The following SRCAP variants were observed in gnomAD, a reference collection of about 807,000 sequenced individuals.
SRCAP encodes chromatin remodeling protein SRCAP.
A neutral mutation model predicts 263.1 loss-of-function variants in SRCAP; 46 were observed. The observed-to-expected ratio is 0.17, with a 90% CI of 0.14 to 0.22. The LOEUF is 0.22. SRCAP is among the 10% of genes least tolerant of loss of function. The pLI is 1.00. For missense variants in SRCAP, 3,695 were observed against 4,181.9 expected, an observed-to-expected ratio of 0.88 and a Z score of 3.21; for synonymous variants, 1,813 against 1,662.1, an observed-to-expected ratio of 1.09 and a Z score of -2.21.
At chr16:30,736,948 A>T in intron 33 of SRCAP, 101 bp from the exon 34 acceptor site, 2 of 1,309,246 alleles carry the variant, frequency 1.5e-6, no homozygotes, top group Non-Finnish European at 2.1e-6. Flanking sequence ...TGCTGGAATT[A>T]CAGGCGTGAG....
intron 1 of SRCAP, among the ~76,000 whole-genome samples, 168 bp from the exon 2 acceptor site, chr16:30,699,740 C>A (rs2052744690): frequency 6.6e-6 from 1 of 152,200 alleles, no homozygotes; most frequent in African/African-American, 2.4e-5. Context: ...TGCCCCCAGG[C>A]AGGATCGTAT....
At chr16:30,702,577 C>G (rs2052779000) in intron 3 of SRCAP, among the ~76,000 whole-genome samples, 1 of 121,768 alleles carries the variant, frequency 8.2e-6, no homozygotes, top group African/African-American at 3.1e-5. Context: ...TTCCCTCCCT[C>G]CCTCCCTCCC....
chr16:30,705,352 G>A (rs1297411324), intron 4 of SRCAP, among the ~76,000 whole-genome samples: 1 of 152,170 alleles, frequency 6.6e-6, no homozygotes, highest in African/African-American at 2.4e-5. Flanking sequence ...TTGAAACTAT[G>A]AGGGTAGGGC....
chr16:30,711,433 A>T (rs562937760), intron 10 of SRCAP, 138 bp from the exon 11 acceptor site: 3 of 856,018 alleles, frequency 3.5e-6, no homozygotes, highest in Non-Finnish European at 5.3e-6. Context: ...GCTGATGCTG[A>T]AAGTAAGCTC....
At chr16:30,711,337 C>T (rs1320560897) in intron 10 of SRCAP, among the ~76,000 whole-genome samples, 2 of 152,178 alleles carry the variant, frequency 1.3e-5, no homozygotes, top group African/African-American at 4.8e-5. Flanking sequence ...AGCATTTGAC[C>T]TGGACCTTGA....
rs753073651 is a variant in SRCAP, at chr16:30,739,680, C to T, written c.9640C>T (p.Pro3214Ser). Reference protein sequence around the residue: ...DQRILRSSAPPSLAGPAVSHR... With the variant: ...DQRILRSSAPSSLAGPAVSHR... ...GCGCATCCTGCGCAGCAGCGCCCCT[C>T]CCTCCCTGGCTGGCCCTGCTGTTAG... The change falls in exon 34 of 34, where the codon CCC (proline) becomes TCC (serine). Residue 3214 changes from proline to serine, a missense_variant. Physicochemically the swap from Pro to Ser is moderately conservative, Grantham distance 74. Around this residue, in one of 12 missense-constraint regions of SRCAP, gnomAD observed 1,207 missense variants for 1,142.9 expected, o/e 1.06. Transcript: ENST00000262518. The T allele has an allele frequency of 1.0e-5, 16 of 1,550,656 alleles. No individual in the cohort carries two copies. Among genetic ancestry groups the T allele is most frequent in the Admixed American group, 6.1e-5 (3 of 49,512 alleles).
chr16:30,701,676 C>T (rs1156961883), intron 3 of SRCAP, among the ~76,000 whole-genome samples: 1 of 150,038 alleles, frequency 6.7e-6, no homozygotes. Context: ...TTCAGCCAGG[C>T]TGGAATGCAA....
At position 30,739,133 on chromosome 16, in the gene SRCAP, T is replaced by G; in HGVS notation, c.9093T>G (p.Ser3031=). ...QLPVLDRDST[S]VLESCGLGRR... is the part of the protein sequence containing the mutation. ...CCGTCTTGGACCGTGACAGCACTTCTGTTCTCGAGAGCTGTGGATTGGGGA... is the reference window on the plus strand; with the variant it reads ...CCGTCTTGGACCGTGACAGCACTTCGGTTCTCGAGAGCTGTGGATTGGGGA... The change falls in exon 34 of 34, where the codon TCT becomes TCG. Residue 3031 remains serine, a synonymous_variant. Transcript: ENST00000262518. 2 of 1,614,166 alleles carry G rather than the reference T, an allele frequency of 1.2e-6. No homozygotes were observed. The highest frequency in any genetic ancestry group is 1.1e-5 in the South Asian group (1 of 91,082).
chr16:30,712,637 A>G, intron 13 of SRCAP, 42 bp from the exon 14 acceptor site: 2 of 1,613,202 alleles, frequency 1.2e-6, no homozygotes, highest in South Asian at 2.2e-5. Flanking sequence ...AGAACCACAG[A>G]ATTTACATTT....
In SRCAP at chr16:30,737,850, C is replaced by A. The variant is rs763243744; in HGVS notation, c.7810C>A (p.Pro2604Thr). 4.3e-6 allele frequency: 7 copies of A among 1,614,186 alleles called. No individual in the cohort carries two copies. Among genetic ancestry groups the A allele is most frequent in the Non-Finnish European group, 5.9e-6 (7 of 1,180,038 alleles). The stretch of plus-strand genomic sequence containing the variant: ...GTCAGAGAAGAACCTTTCTCTCACC[C>A]CTTCTGCACCCAGCCTGACCTTGGA... ...PVSEKNLSLT[P>T]SAPSLTLEAG... Residue 2604 changes from proline (P) to threonine (T), a missense_variant, in exon 34 of 34, where the codon CCT (proline) becomes ACT (threonine). By Grantham distance (38) the Pro-to-Thr change is conservative. Coordinates refer to ENST00000262518, the MANE Select transcript of SRCAP (RefSeq NM_006662.3).
In SRCAP at chr16:30,707,595, C is replaced by T. The variant is rs2052842308; in HGVS notation, c.516C>T (p.His172=). 6.2e-7 allele frequency: 1 copy of T among 1,613,698 alleles called. No individual in the cohort carries two copies. Among genetic ancestry groups the T allele is most frequent in the African/African-American group, 1.3e-5 (1 of 75,020 alleles). The change falls in exon 6 of 34, where the codon CAC becomes CAT. Residue 172 remains histidine (H), a synonymous_variant. Coordinates refer to ENST00000262518, the MANE Select transcript of SRCAP (RefSeq NM_006662.3). ...ARKVVRMVIR[H]HEEQRQKEER... ...AGGTGGTGCGCATGGTGATCCGGCACCACGAGGAGCAGCGGCAGAAAGAGG... is the reference window on the plus strand; with the variant it reads ...AGGTGGTGCGCATGGTGATCCGGCATCACGAGGAGCAGCGGCAGAAAGAGG...
Position 30,709,586 on chromosome 16 carries a change from T to A in SRCAP, c.707T>A (p.Ile236Asn). The change falls in exon 7 of 34, where the codon ATT (isoleucine) becomes AAT (asparagine). Residue 236 changes from isoleucine (I) to asparagine (N), a missense_variant. Physicochemically the swap from Ile to Asn is moderately radical, Grantham distance 149. Around this residue, in one of 12 missense-constraint regions of SRCAP, gnomAD observed 107 missense variants for 223.8 expected, o/e 0.48. Coordinates refer to ENST00000262518, the MANE Select transcript of SRCAP (RefSeq NM_006662.3). ...GCCCTGGACCTGCATTTGGACTTCA[T>A]TGTGGGGCAAACTGAAAAGTACTCG... ...KKALDLHLDF[I>N]VGQTEKYSDL... 1 of 1,614,170 alleles carries A rather than the reference T, an allele frequency of 6.2e-7. No homozygotes were observed. The highest frequency in any genetic ancestry group is 1.6e-4 in the Middle Eastern group (1 of 6,062).
At chr16:30,736,952 G>A in intron 33 of SRCAP, 97 bp from the exon 34 acceptor site, 1 of 1,355,572 alleles carries the variant, frequency 7.4e-7, no homozygotes, top group South Asian at 1.4e-5. Context: ...GGAATTACAG[G>A]CGTGAGCCAC....
Position 30,724,678 on chromosome 16 carries a change from CCCCCTCTGGCTCCAGCTT to C in SRCAP, c.5256_5273del (p.Leu1754_Pro1759del), listed in dbSNP as rs1567248567. 4 of 1,614,100 alleles carry C rather than the reference CCCCCTCTGGCTCCAGCTT, an allele frequency of 2.5e-6. No homozygotes were observed. The highest frequency in any genetic ancestry group is 3.4e-6 in the Non-Finnish European group (4 of 1,179,998). On this transcript the variant is annotated inframe_deletion, in exon 25 of 34. Coordinates refer to ENST00000262518, the MANE Select transcript of SRCAP (RefSeq NM_006662.3). ...TCAGACGCTGTCTCTGGCTCCAGCA[CCCCCTCTGGCTCCAGCTT>C]CTCCAGTGGGCCCAGCCCCAGCTCA...
intron 25 of SRCAP, among the ~76,000 whole-genome samples, chr16:30,728,712 C>G (rs1303132108): frequency 2.6e-5 from 4 of 152,170 alleles, no homozygotes; most frequent in African/African-American, 9.7e-5. Context: ...AAGGAAAGAT[C>G]AGTTTTCTCT....
chr16:30,733,578 A>T lies in SRCAP; in HGVS notation c.6298-24A>T. The T allele has an allele frequency of 6.2e-7, 1 of 1,605,750 alleles. No homozygotes were observed. Among genetic ancestry groups the T allele is most frequent in the Non-Finnish European group, 8.5e-7 (1 of 1,174,178 alleles). On this transcript the variant is annotated intron_variant, in intron 28 of 33. Coordinates refer to ENST00000262518, the MANE Select transcript of SRCAP (RefSeq NM_006662.3). This position sits in a 1 kb window ranked among gnomAD's most constrained non-coding sequence, Gnocchi z 5.3. ...TTTGGGGGATAAGTCTCCCAGTATC[A>T]TCTTTTTTTCCCTTTCCTTCTAGGC...
At position 30,733,480 on chromosome 16, in the gene SRCAP, T is replaced by C. The variant is rs1331433455; in HGVS notation, c.6297+31T>C. On this transcript the variant is annotated intron_variant, in intron 28 of 33. Coordinates refer to ENST00000262518, the MANE Select transcript of SRCAP (RefSeq NM_006662.3). This position sits in a 1 kb window ranked among gnomAD's most constrained non-coding sequence, Gnocchi z 5.3. ...CCAGGTTTCTGCAGCTCTTAGAGGC[T>C]CACCTCCGCTTCTCTCTCCTTTTCC... 6.2e-7 allele frequency: 1 copy of C among 1,613,204 alleles called. No homozygotes were observed. Among genetic ancestry groups the C allele is most frequent in the South Asian group, 1.1e-5 (1 of 91,004 alleles).
At chr16:30,702,700 T>A (rs992203834) in intron 3 of SRCAP, among the ~76,000 whole-genome samples, 3 of 147,600 alleles carry the variant, frequency 2.0e-5, no homozygotes, top group Non-Finnish European at 4.5e-5. Flanking sequence ...CTCTGCCTCC[T>A]GGTTCAAGCA....
At chr16:30,714,452 G>A (rs1043338785) in intron 16 of SRCAP, among the ~76,000 whole-genome samples, 1 of 149,142 alleles carries the variant, frequency 6.7e-6, no homozygotes, top group Admixed American at 6.7e-5. Flanking sequence ...CTCGTGATCT[G>A]CCTGCCTCGG....
Sources: gnomAD v4.1 joint callset for allele counts (sites outside exome capture counted in the v4.1 genomes callset) on GRCh38, gnomAD v4.1.1 for gene constraint, gnomAD v4.1.1 regional missense constraint, Gnocchi (gnomAD v3.1) non-coding constraint, MANE v1.5 for transcripts, NCBI Gene and HGNC (gene_info 2026-07-23, HGNC 2026-07-21) for gene names.